Variants in CIMIP7 observed in about 807,000 individuals in gnomAD.
The protein encoded by CIMIP7 is ciliary microtubule inner protein 7.
chr3:49,184,165 T>A, the CIMIP7 span, among the ~76,000 whole-genome samples: 20 of 152,272 alleles, frequency 1.3e-4, no homozygotes, highest in Admixed American at 1.2e-3. Context: ...GCCTGGCTAA[T>A]TGTTTAACTT....
the CIMIP7 span, chr3:49,191,755 A>G: frequency 6.3e-7 from 1 of 1,577,598 alleles, no homozygotes; most frequent in Non-Finnish European, 8.6e-7. Flanking sequence ...CCAGGAGCCT[A>G]CTAAAGCACT....
chr3:49,186,714 C>T, the CIMIP7 span, among the ~76,000 whole-genome samples: 8 of 152,156 alleles, frequency 5.3e-5, no homozygotes, highest in South Asian at 4.1e-4. Flanking sequence ...ATAGCCACCA[C>T]GCCCCGCCCA....
the CIMIP7 span, among the ~76,000 whole-genome samples, chr3:49,183,610 G>A: frequency 2.0e-5 from 3 of 152,174 alleles, no homozygotes; most frequent in African/African-American, 4.8e-5. Flanking sequence ...AGCTGAGATC[G>A]TGCCACTGCA....
the CIMIP7 span, chr3:49,178,374 T>TA: frequency 9.9e-7 from 1 of 1,014,322 alleles, no homozygotes; most frequent in Admixed American, 2.1e-5. Context: ...TCTGCCTTCA[T>TA]AAGGAGCCCT....
chr3:49,190,246 C>T, the CIMIP7 span: 2 of 688,256 alleles, frequency 2.9e-6, no homozygotes, highest in African/African-American at 3.6e-5. Flanking sequence ...AGAAGCCCCT[C>T]ATGGAAGTTC....
the CIMIP7 span, chr3:49,189,754 A>G: frequency 3.5e-6 from 2 of 563,542 alleles, no homozygotes; most frequent in African/African-American, 3.7e-5. Flanking sequence ...CCTGGGTTCT[A>G]GAGGCTCTTT....
chr3:49,177,898 G>C, the CIMIP7 span: 4 of 1,613,768 alleles, frequency 2.5e-6, no homozygotes, highest in African/African-American at 5.3e-5. Context: ...ACTGAGTCCT[G>C]GGCCTGGCCT....
the CIMIP7 span, among the ~76,000 whole-genome samples, chr3:49,186,750 G>A: frequency 6.6e-6 from 1 of 151,980 alleles, no homozygotes; most frequent in Non-Finnish European, 1.5e-5. Context: ...ACACACGCAC[G>A]CACGCACGCA....
At chr3:49,188,959 C>T in the CIMIP7 span, among the ~76,000 whole-genome samples, 5 of 150,602 alleles carry the variant, frequency 3.3e-5, no homozygotes, top group Non-Finnish European at 5.9e-5. Context: ...TCACCATGCC[C>T]GGTTATTTTT....
the CIMIP7 span, among the ~76,000 whole-genome samples, chr3:49,188,775 C>T: frequency 6.6e-6 from 1 of 151,962 alleles, no homozygotes; most frequent in Non-Finnish European, 1.5e-5. Flanking sequence ...ACTGTTGTGA[C>T]TCCGATTTAT....
the CIMIP7 span, among the ~76,000 whole-genome samples, chr3:49,186,858 A>G: frequency 6.6e-6 from 1 of 152,242 alleles, no homozygotes; most frequent in Non-Finnish European, 1.5e-5. Flanking sequence ...GCAAGATGTT[A>G]CCATTGAAGG....
chr3:49,190,054 G>A, the CIMIP7 span: 1 of 1,613,540 alleles, frequency 6.2e-7, no homozygotes, highest in African/African-American at 1.3e-5. Flanking sequence ...ACTGCTGGAG[G>A]CTGGGGCTTG....
chr3:49,189,858 C>T, the CIMIP7 span: 1 of 753,946 alleles, frequency 1.3e-6, no homozygotes, highest in Admixed American at 1.7e-5. Context: ...CACTCTTTTC[C>T]ACCCTGTCTG....
At chr3:49,178,513 G>A in the CIMIP7 span, 1 of 1,613,674 alleles carries the variant, frequency 6.2e-7, no homozygotes, top group Non-Finnish European at 8.5e-7. Flanking sequence ...GTCGTGCTTG[G>A]AGAAGAAGTG....
the CIMIP7 span, among the ~76,000 whole-genome samples, chr3:49,186,341 C>T: frequency 6.6e-6 from 1 of 151,782 alleles, no homozygotes; most frequent in Middle Eastern, 3.4e-3. Context: ...GTGTTCACGC[C>T]ATTCTCCTGC....
the CIMIP7 span, among the ~76,000 whole-genome samples, chr3:49,181,848 G>A: frequency 2.6e-5 from 4 of 152,318 alleles, no homozygotes; most frequent in South Asian, 4.1e-4. Context: ...GACTGAAGCC[G>A]CGGACCCTCG....
chr3:49,179,525 C>T, the CIMIP7 span, among the ~76,000 whole-genome samples: 1 of 152,176 alleles, frequency 6.6e-6, no homozygotes, highest in Non-Finnish European at 1.5e-5. Context: ...CTGATTTCCT[C>T]ACTGCTCCTC....
chr3:49,181,511 A>G, the CIMIP7 span, among the ~76,000 whole-genome samples: 1 of 152,152 alleles, frequency 6.6e-6, no homozygotes, highest in Non-Finnish European at 1.5e-5. Flanking sequence ...ATAACAAATT[A>G]GCCAGGCGTG....
chr3:49,177,931 T>C, the CIMIP7 span: 1 of 1,613,764 alleles, frequency 6.2e-7, no homozygotes, highest in Non-Finnish European at 8.5e-7. Flanking sequence ...GTAAGAAGAT[T>C]CCAGGGGCCC....
Sources: allele counts gnomAD v4.1 joint callset (sites outside exome capture counted in the v4.1 genomes callset), GRCh38; gene constraint gnomAD v4.1.1; transcripts MANE v1.5; gene names NCBI Gene and HGNC (gene_info 2026-07-23, HGNC 2026-07-21).